The following KCNIP4 variants were observed in gnomAD, a reference collection of about 807,000 sequenced individuals.
KCNIP4 encodes potassium voltage-gated channel interacting protein 4, also known as Kv channel-interacting protein 4.
In KCNIP4, 12 loss-of-function variants were observed where a neutral mutation model predicts 34.0. That is an observed-to-expected ratio of 0.35 (90% CI 0.23 to 0.57). KCNIP4 has a LOEUF of 0.57. Among genes scored for constraint, KCNIP4 ranks in the 20% least tolerant of loss-of-function variants. The probability of loss-of-function intolerance (pLI) is 0.83; values close to 1 mark genes in which losing one functional copy is unlikely to be tolerated. For synonymous variants in KCNIP4, 124 were observed against 102.2 expected (o/e 1.21, Z -1.29); for missense variants, 238 against 311.7 (o/e 0.76, Z 1.78).
chr4:20,749,475 A>G (rs1336822160), intron 5 of KCNIP4, among the ~76,000 whole-genome samples, 187 bp downstream of exon 5: 1 of 152,200 alleles, frequency 6.6e-6, no homozygotes, highest in African/African-American at 2.4e-5. Context: ...ATTAGAAAAT[A>G]AACTGAATGT....
intron 1 of KCNIP4, among the ~76,000 whole-genome samples, chr4:21,836,398 A>G (rs1723320901): frequency 1.3e-5 from 2 of 152,162 alleles, no homozygotes; most frequent in African/African-American, 4.8e-5. Flanking sequence ...GGGAAACTAT[A>G]GCCCGCTGGG....
At chr4:21,876,169 T>C (rs1382135035) in intron 1 of KCNIP4, among the ~76,000 whole-genome samples, 1 of 152,148 alleles carries the variant, frequency 6.6e-6, no homozygotes, top group South Asian at 2.1e-4. Flanking sequence ...AGTGATACAC[T>C]TCACTATGAA....
intron 1 of KCNIP4, among the ~76,000 whole-genome samples, chr4:21,025,233 G>A (rs547770029): frequency 1.3e-5 from 2 of 152,244 alleles, no homozygotes; most frequent in African/African-American, 4.8e-5. Context: ...GTGAGGTAGG[G>A]GAGGAAGAAG....
chr4:20,839,624 AT>A lies in KCNIP4; in HGVS notation c.288+10918del, dbSNP rs78842661. On this transcript the variant is annotated intron_variant, in intron 3 of 8. Coordinates refer to ENST00000382152, the MANE Select transcript of KCNIP4 (RefSeq NM_025221.6). ...AAGAACTTCTAGATTATACAACACA[AT>A]TCAGAGTACTGGCATGATAATAATG... 6.6e-5 allele frequency among the ~76,000 whole-genome samples: 10 copies of A among 152,058 alleles called. No individual in the cohort carries two copies. The East Asian group carries it at 1.9e-3, about 29-fold the overall frequency.
rs534143098 is a variant in KCNIP4, at chr4:20,987,925, C to A, written c.62-105216G>T. Among the ~76,000 whole-genome samples the A allele has an allele frequency of 2.8e-3, 392 of 140,190 alleles. 1 individual carries two copies. The highest frequency in any genetic ancestry group is 9.8e-3 in the African/African-American group (360 of 36,572). The allele number at this position is 140,190 out of a possible 152,430, so 92.0% of individuals were successfully genotyped here. A position where few individuals can be genotyped will look rare whatever the true frequency, so the allele number is the denominator to read the frequency against. ...CTGAGGCAGGAGTACCTCGTGAACCCGGGAGACGGAGCTTGCAGTGAGCCG... is the reference window on the plus strand; with the variant it reads ...CTGAGGCAGGAGTACCTCGTGAACCAGGGAGACGGAGCTTGCAGTGAGCCG... On this transcript the variant is annotated intron_variant, in intron 1 of 8. Coordinates refer to ENST00000382152, the MANE Select transcript of KCNIP4 (RefSeq NM_025221.6).
At chr4:21,946,251 C>T (rs528245375) in intron 1 of KCNIP4, among the ~76,000 whole-genome samples, 10 of 151,968 alleles carry the variant, frequency 6.6e-5, no homozygotes, top group Admixed American at 2.0e-4. Flanking sequence ...TTCTCTAATT[C>T]TTGATTTCTC....
chr4:21,069,527 T>C (rs1453922481), intron 1 of KCNIP4, among the ~76,000 whole-genome samples: 1 of 152,126 alleles, frequency 6.6e-6, no homozygotes, highest in Non-Finnish European at 1.5e-5. Flanking sequence ...CAGTTTCCTT[T>C]CACTTGCCCG....
At chr4:21,213,311 G>T (rs960571249) in intron 1 of KCNIP4, among the ~76,000 whole-genome samples, 3 of 151,642 alleles carry the variant, frequency 2.0e-5, no homozygotes, top group Non-Finnish European at 4.4e-5. Flanking sequence ...TTGATTGATT[G>T]ATTTTTTTGA....
At chr4:21,894,472 C>T (rs866518537) in intron 1 of KCNIP4, among the ~76,000 whole-genome samples, 1 of 152,064 alleles carries the variant, frequency 6.6e-6, no homozygotes, top group South Asian at 2.1e-4. Flanking sequence ...AAAACTAAGG[C>T]ACTACAAAAA....
chr4:21,112,837 G>A (rs1373929397), intron 1 of KCNIP4, among the ~76,000 whole-genome samples: 1 of 152,080 alleles, frequency 6.6e-6, no homozygotes, highest in African/African-American at 2.4e-5. Flanking sequence ...TGGCTTCTAG[G>A]ATTGATATAA....
chr4:20,820,457 C>G (rs1172471089), intron 3 of KCNIP4, among the ~76,000 whole-genome samples: 1 of 151,956 alleles, frequency 6.6e-6, no homozygotes, highest in East Asian at 1.9e-4. Context: ...GTGAGAGAAA[C>G]AAATTAAAGA....
At chr4:21,824,222 T>C (rs746986187) in intron 1 of KCNIP4, among the ~76,000 whole-genome samples, 9 of 152,232 alleles carry the variant, frequency 5.9e-5, no homozygotes, top group Non-Finnish European at 1.3e-4. Flanking sequence ...TGGTTTACAG[T>C]TTAATTTTGA....
At chr4:21,534,796 G>A (rs1737013592) in intron 1 of KCNIP4, among the ~76,000 whole-genome samples, 1 of 152,114 alleles carries the variant, frequency 6.6e-6, no homozygotes, top group Non-Finnish European at 1.5e-5. Flanking sequence ...ATAGCCCAGT[G>A]CCTGCAGGGG....
chr4:21,901,733 A>G (rs1727714110), intron 1 of KCNIP4, among the ~76,000 whole-genome samples: 1 of 152,198 alleles, frequency 6.6e-6, no homozygotes, highest in African/African-American at 2.4e-5. Flanking sequence ...TTAATATTGC[A>G]AACTAGATTC....
At chr4:20,758,912 C>T (rs1386262654) in intron 3 of KCNIP4, 22 bp from the exon 4 acceptor site, 2 of 1,600,210 alleles carry the variant, frequency 1.2e-6, no homozygotes, top group Non-Finnish European at 1.7e-6. Flanking sequence ...GGCAGAGAAG[C>T]AATATGAGCA....
chr4:21,844,952 A>C (rs1439023883), intron 1 of KCNIP4: 4 of 131,852 alleles, frequency 3.0e-5, no homozygotes, highest in African/African-American at 1.0e-4. Context: ...AAATAGAATA[A>C]AGATTCAAAA....
chr4:21,876,898 A>G (rs1026143328), intron 1 of KCNIP4, among the ~76,000 whole-genome samples: 1 of 152,112 alleles, frequency 6.6e-6, no homozygotes, highest in African/African-American at 2.4e-5. Context: ...ATTTGTAGTG[A>G]TAACAGGCCA....
intron 3 of KCNIP4, among the ~76,000 whole-genome samples, chr4:20,781,248 T>G (rs1022307089): frequency 3.9e-5 from 6 of 152,212 alleles, no homozygotes; most frequent in Non-Finnish European, 8.8e-5. Flanking sequence ...TTTTCAAGAT[T>G]TAATTTCACT....
chr4:20,729,956 A>G lies in KCNIP4; in HGVS notation c.*126T>C, dbSNP rs1747549349. On this transcript the variant is annotated 3_prime_UTR_variant, in exon 9 of 9. Transcript: ENST00000382152. ...TTTGGGGATTGCTTTATATTAAAAC[A>G]AAGCTTGTTTGCATAATATGCTTCA... The G allele has an allele frequency of 1.7e-6, 2 of 1,150,136 alleles. No homozygotes were observed. The highest frequency in any genetic ancestry group is 1.6e-5 in the African/African-American group (1 of 63,318). The allele number at this position is 1,150,136 out of a possible 1,614,324, so 71.2% of individuals were successfully genotyped here.
Sources: allele counts gnomAD v4.1 joint callset (sites outside exome capture counted in the v4.1 genomes callset), GRCh38; gene constraint gnomAD v4.1.1; transcripts MANE v1.5; gene names NCBI Gene and HGNC (gene_info 2026-07-23, HGNC 2026-07-21).